The following GOLGA8M variants were observed in gnomAD, a reference collection of about 807,000 sequenced individuals.
GOLGA8M encodes the protein golgin A8 family member M.
Under a neutral mutation model 87.7 loss-of-function variants are expected in GOLGA8M, and 34 were observed. The ratio of observed to expected loss-of-function variants is 0.39; its 90% CI spans 0.29 to 0.52. The LOEUF (loss-of-function observed/expected upper bound fraction) is 0.52, where lower values mean the gene tolerates loss of function less well. Ranked by LOEUF, GOLGA8M falls within the 20% of genes least tolerant of loss-of-function variation. The probability of loss-of-function intolerance (pLI) is 0.80; values close to 1 mark genes in which losing one functional copy is unlikely to be tolerated. For synonymous variants in GOLGA8M, 138 were observed against 250.2 expected (o/e 0.55, Z 4.23); for missense variants, 396 against 682.2 (o/e 0.58, Z 4.67).
rs750717880 is a variant in GOLGA8M, at chr15:28,702,771, T to A, written c.1369-26A>T. 11 of 1,596,006 alleles carry A rather than the reference T, an allele frequency of 6.9e-6. No homozygotes were observed. The African/African-American group carries it at 1.2e-4, about 18-fold the overall frequency. On this transcript the variant is annotated intron_variant, in intron 15 of 18. Transcript: ENST00000563027. ...CTGGAGCCAAAATATTGCAGTCACA[T>A]CTCGGCAGCGACCTGCCCTCAGGTG...
rs1166669018 is a variant in GOLGA8M at position 28,701,243 on chromosome 15, C to T, written c.*711G>A. ...CTAAGGGCACCACCATAATACACCG[C>T]TAATTCCTGGCACCGGAACAGATGA... On this transcript the variant is annotated 3_prime_UTR_variant, in exon 19 of 19. Coordinates refer to ENST00000563027, the MANE Select transcript of GOLGA8M (RefSeq NM_001282468.3). 6.6e-6 allele frequency among the ~76,000 whole-genome samples: 1 copy of T among 151,946 alleles called. No homozygotes were observed. The highest frequency in any genetic ancestry group is 2.4e-5 in the African/African-American group (1 of 41,280).
In GOLGA8M at chr15:28,707,808, T is replaced by C. The variant is rs2080080927; in HGVS notation, c.531A>G (p.Lys177=). The change falls in exon 8 of 19, where the codon AAA becomes AAG. Residue 177 remains lysine (K), a synonymous_variant. Coordinates refer to ENST00000563027, the MANE Select transcript of GOLGA8M (RefSeq NM_001282468.3). ...AVRLQHSLQR[K]GELESVLSDV... ...CAGAGAGAACACTCTCTAACTCTCC[T>C]TTACGCTGCAATGAATGTTGCAGGC... The C allele has an allele frequency of 5.7e-6, 9 of 1,584,170 alleles. No homozygotes were observed. Among genetic ancestry groups the C allele is most frequent in the Non-Finnish European group, 7.6e-6 (9 of 1,177,008 alleles).
In GOLGA8M at chr15:28,705,132, T is replaced by A. The variant is rs1419473952; in HGVS notation, c.1200+27A>T. 6 of 1,597,772 alleles carry A rather than the reference T, an allele frequency of 3.8e-6. No homozygotes were observed. In the African/African-American group the frequency reaches 8.0e-5, roughly 21 times the overall value. On this transcript the variant is annotated intron_variant, in intron 13 of 18. Coordinates refer to ENST00000563027, the MANE Select transcript of GOLGA8M (RefSeq NM_001282468.3). ...TGCCCGCCTCCCAGCCCTTCTTGGA[T>A]GGGGTGGAGGTTTCCGACTCCTTCA...
intron 11 of GOLGA8M, among the ~76,000 whole-genome samples, 175 bp downstream of exon 11, chr15:28,705,941 G>GGACACTGA (rs1225973354): frequency 6.6e-6 from 1 of 151,918 alleles, no homozygotes; most frequent in Non-Finnish European, 1.5e-5. Flanking sequence ...TTGCTGATGG[G>GGACACTGA]GACACTGAGA....
Position 28,699,053 on chromosome 15 carries a change from A to T in GOLGA8M, c.*2901T>A, listed in dbSNP as rs900277597. The stretch of plus-strand genomic sequence containing the variant: ...CAGAACATTAAGATAGCAGTTACAT[A>T]TTTTAATAGTTATATTATTTTAAAA... On this transcript the variant is annotated 3_prime_UTR_variant, in exon 19 of 19. Transcript: ENST00000563027. 5.3e-5 allele frequency among the ~76,000 whole-genome samples: 8 copies of T among 150,082 alleles called. No homozygotes were observed. The highest frequency in any genetic ancestry group is 2.1e-4 in the South Asian group (1 of 4,750).
chr15:28,705,091 CCTCCCCAGAGG>C, intron 13 of GOLGA8M, 57 bp downstream of exon 13: 1 of 1,585,924 alleles, frequency 6.3e-7, no homozygotes, highest in Admixed American at 1.7e-5. Context: ...TGGTACCTCC[CCTCCCCAGAGG>C]CTGCTGCCCG....
Position 28,702,205 on chromosome 15 carries a change from T to C in GOLGA8M, c.1723+9A>G. ...CTGCCTGCCCACACCACCTGAGGGC[T>C]GTACTCACCACCATGCTTGTCTGCA... On this transcript the variant is annotated intron_variant, in intron 18 of 18. Coordinates refer to ENST00000563027, the MANE Select transcript of GOLGA8M (RefSeq NM_001282468.3). 1 of 1,590,086 alleles carries C rather than the reference T, an allele frequency of 6.3e-7. No individual in the cohort carries two copies. The highest frequency in any genetic ancestry group is 1.4e-5 in the African/African-American group (1 of 73,162).
chr15:28,712,486 C>A (rs1227385297), upstream of GOLGA8M, among the ~76,000 whole-genome samples: 1 of 151,402 alleles, frequency 6.6e-6, no homozygotes, highest in African/African-American at 2.4e-5. Flanking sequence ...CTTAATGCTC[C>A]AAGCCCATTG....
chr15:28,708,384 C>A lies in GOLGA8M; in HGVS notation c.339G>T (p.Gln113His). 1 of 1,595,110 alleles carries A rather than the reference C, an allele frequency of 6.3e-7. No individual in the cohort carries two copies. The highest frequency in any genetic ancestry group is 8.5e-7 in the Non-Finnish European group (1 of 1,175,574). ...LKQQKKQVEH[Q>H]LEEEKKANNK... ...AACGAAATCACGTTACTTCTTCCAG[C>A]TGATGTTCCACTTGTTTCTTCTGTT... is the stretch of plus-strand genomic sequence containing the variant. Residue 113 changes from glutamine (Q) to histidine (H), a missense_variant, in exon 5 of 19, where the codon CAG becomes CAT. Physicochemically the swap from Gln to His is conservative, Grantham distance 24. Around this residue, in one of 12 missense-constraint regions of GOLGA8M, gnomAD observed 80 missense variants for 119.9 expected, o/e 0.67. Transcript: ENST00000563027.
At position 28,702,285 on chromosome 15, in the gene GOLGA8M, T is replaced by C. The variant is rs1168247237; in HGVS notation, c.1652A>G (p.His551Arg). The change falls in exon 18 of 19, where the codon CAC becomes CGC. Residue 551 changes from histidine to arginine, a missense_variant. This residue lies in a region of GOLGA8M where 173 missense variants were observed against 150.2 expected (regional missense o/e 1.15). Coordinates refer to ENST00000563027, the MANE Select transcript of GOLGA8M (RefSeq NM_001282468.3). ...NGHRKFLAAA[H>R]NSADEPGPGA... Reference sequence around the variant, plus strand: ...TGGACCGGGCTCATCAGCAGAGTTGTGGGCAGCGGCCAGGAATTTTCTGTG... The same window carrying C: ...TGGACCGGGCTCATCAGCAGAGTTGCGGGCAGCGGCCAGGAATTTTCTGTG... 3 of 1,547,904 alleles carry C rather than the reference T, an allele frequency of 1.9e-6. No individual in the cohort carries two copies. Among genetic ancestry groups the C allele is most frequent in the Non-Finnish European group, 2.6e-6 (3 of 1,157,200 alleles).
intron 13 of GOLGA8M, among the ~76,000 whole-genome samples, chr15:28,704,454 C>A (rs1305786600): frequency 2.0e-5 from 3 of 148,268 alleles, no homozygotes; most frequent in African/African-American, 7.3e-5. Context: ...ATTTAATCCG[C>A]AGCACCTCTG....
In GOLGA8M at chr15:28,701,613, A is replaced by G. The variant is rs868212547; in HGVS notation, c.*341T>C. ...TAACATTAAAAAAGCATGGCAGCCT[A>G]TTCCAAACCAGCGAGAACAGTTTTG... is the stretch of plus-strand genomic sequence containing the variant. On this transcript the variant is annotated 3_prime_UTR_variant, in exon 19 of 19. Transcript: ENST00000563027. Among the ~76,000 whole-genome samples the G allele has an allele frequency of 2.0e-5, 3 of 151,884 alleles. No homozygotes were observed. The highest frequency in any genetic ancestry group is 7.3e-5 in the African/African-American group (3 of 41,318).
Position 28,702,274 on chromosome 15 carries a change from C to T in GOLGA8M, c.1663G>A (p.Asp555Asn). Residue 555 changes from aspartate (D) to asparagine (N), a missense_variant, in exon 18 of 19, where the codon GAT (aspartate) becomes AAT (asparagine). Physicochemically the swap from Asp to Asn is conservative, Grantham distance 23. Around this residue, in one of 12 missense-constraint regions of GOLGA8M, gnomAD observed 173 missense variants for 150.2 expected, o/e 1.15. Transcript: ENST00000563027. Reference protein sequence around the residue: ...KFLAAAHNSADEPGPGAPAPQ... With the variant: ...KFLAAAHNSANEPGPGAPAPQ... ...GCTGGGGCTCCTGGACCGGGCTCATCAGCAGAGTTGTGGGCAGCGGCCAGG... is the reference window on the plus strand; with the variant it reads ...GCTGGGGCTCCTGGACCGGGCTCATTAGCAGAGTTGTGGGCAGCGGCCAGG... The T allele has an allele frequency of 6.4e-7, 1 of 1,561,026 alleles. No homozygotes were observed. The highest frequency in any genetic ancestry group is 2.4e-5 in the East Asian group (1 of 41,724).
chr15:28,702,656 C>G lies in GOLGA8M; in HGVS notation c.1458G>C (p.Glu486Asp), dbSNP rs567279709. Reference protein sequence around the residue: ...QELRFIQYWQERCHQKIHHLL... With the variant: ...QELRFIQYWQDRCHQKIHHLL... ...GGCCTCCCACTCACTGATGGCATCT[C>G]TCTTGCCAGTATTGAATGAAGCGAA... The change falls in exon 16 of 19, where the codon GAG (glutamate) becomes GAC (aspartate). Residue 486 changes from glutamate to aspartate, a missense_variant. By Grantham distance (45) the Glu-to-Asp change is conservative (BLOSUM62 2). This residue lies in a region of GOLGA8M where 173 missense variants were observed against 150.2 expected (regional missense o/e 1.15). Transcript: ENST00000563027. 249 of 1,609,120 alleles carry G rather than the reference C, an allele frequency of 1.5e-4. 1 individual carries two copies. Among genetic ancestry groups the G allele is most frequent in the Middle Eastern group, 5.0e-4 (3 of 5,942 alleles).
rs1257680346 is a variant in GOLGA8M at position 28,701,424 on chromosome 15, G to T, written c.*530C>A. 6.6e-6 allele frequency among the ~76,000 whole-genome samples: 1 copy of T among 151,704 alleles called. No homozygotes were observed. The highest frequency in any genetic ancestry group is 1.5e-5 in the Non-Finnish European group (1 of 68,000). On this transcript the variant is annotated 3_prime_UTR_variant, in exon 19 of 19. Coordinates refer to ENST00000563027, the MANE Select transcript of GOLGA8M (RefSeq NM_001282468.3). ...TCTTGGCCTTTAAACAACTCTAAAT[G>T]TCAGTACTCATAGTGGCATATTACA...
intron 15 of GOLGA8M, 73 bp from the exon 16 acceptor site, chr15:28,702,818 G>A: frequency 1.3e-6 from 2 of 1,577,118 alleles, no homozygotes; most frequent in South Asian, 2.2e-5. Context: ...TCATGGAGAA[G>A]GTGGAGGTGA....
At chr15:28,702,800 T>C (rs1596668149) in intron 15 of GOLGA8M, 55 bp from the exon 16 acceptor site, 1 of 1,584,280 alleles carries the variant, frequency 6.3e-7, no homozygotes, top group East Asian at 2.3e-5. Flanking sequence ...TCAGGTGGCA[T>C]TTTCAAGTCA....
intron 8 of GOLGA8M, among the ~76,000 whole-genome samples, chr15:28,706,935 G>C (rs1304362022): frequency 2.8e-5 from 4 of 143,926 alleles, no homozygotes; most frequent in African/African-American, 1.0e-4. Flanking sequence ...TATTGCTATT[G>C]TTATTACTGT....
At chr15:28,707,724 G>A (rs2080078014) in intron 8 of GOLGA8M, 24 bp downstream of exon 8, 1 of 1,542,298 alleles carries the variant, frequency 6.5e-7, no homozygotes, top group Non-Finnish European at 8.7e-7. Flanking sequence ...ACTCCCAGGG[G>A]ATGGGGCAGG....
Sources: allele counts gnomAD v4.1 joint callset (sites outside exome capture counted in the v4.1 genomes callset), GRCh38; gene constraint gnomAD v4.1.1; regional missense constraint gnomAD v4.1.1; transcripts MANE v1.5; gene names NCBI Gene and HGNC (gene_info 2026-07-23, HGNC 2026-07-21).